Variants in ZNF536 observed in about 807,000 individuals in gnomAD.
The protein encoded by ZNF536 is zinc finger protein 536.
In ZNF536, 13 loss-of-function variants were observed where a neutral mutation model predicts 84.5. The ratio of observed to expected loss-of-function variants is 0.15; its 90% CI spans 0.10 to 0.24. The LOEUF is 0.24. Among genes scored for constraint, ZNF536 ranks in the 10% least tolerant of loss-of-function variants. The probability of loss-of-function intolerance (pLI) is 1.00; values close to 1 mark genes in which losing one functional copy is unlikely to be tolerated. For missense variants in ZNF536, 1,536 were observed against 1,747.5 expected, an observed-to-expected ratio of 0.88 and a Z score of 2.16; for synonymous variants, 811 against 742.5, an observed-to-expected ratio of 1.09 and a Z score of -1.50.
intron 2 of ZNF536, among the ~76,000 whole-genome samples, chr19:30,302,358 C>T (rs1418299475): frequency 6.6e-6 from 1 of 152,068 alleles, no homozygotes; most frequent in African/African-American, 2.4e-5. Flanking sequence ...GTGGGCAGGC[C>T]CTGGGACTCA....
chr19:30,229,389 C>A (rs1339934136), intron 1 of ZNF536, among the ~76,000 whole-genome samples: 1 of 152,066 alleles, frequency 6.6e-6, no homozygotes, highest in Non-Finnish European at 1.5e-5. Context: ...AAAGTGGTTT[C>A]ACAGTGTCTC....
intron 1 of ZNF536, among the ~76,000 whole-genome samples, chr19:30,259,816 G>A (rs760643426): frequency 6.6e-6 from 1 of 151,914 alleles, no homozygotes. Context: ...GCAGTGGTGC[G>A]ATCTTGGCTC....
At chr19:30,343,207 G>A (rs1479463789) in intron 2 of ZNF536, among the ~76,000 whole-genome samples, 1 of 152,166 alleles carries the variant, frequency 6.6e-6, no homozygotes, top group African/African-American at 2.4e-5. Context: ...TCTGGAAAAA[G>A]GGCTTGCAAG....
In ZNF536 at chr19:30,549,527, A is replaced by T. The variant is rs2146260696; in HGVS notation, c.3895+13A>T. ...CCAGACTTGTGTGGTAAGTTTTAGA[A>T]TCCTCTTCCTATAGTTCATTTCCCA... On this transcript the variant is annotated intron_variant, in intron 4 of 4. Coordinates refer to ENST00000355537, the MANE Select transcript of ZNF536 (RefSeq NM_014717.3). 6.7e-7 allele frequency: 1 copy of T among 1,503,672 alleles called. No homozygotes were observed. The highest frequency in any genetic ancestry group is 2.3e-5 in the East Asian group (1 of 43,632). 93.1% of individuals were successfully genotyped at this position (1,503,672 alleles called of 1,614,324 possible). A position where few individuals can be genotyped will look rare whatever the true frequency, so the allele number is the denominator to read the frequency against.
At position 30,530,331 on chromosome 19, in the gene ZNF536, T is replaced by TTTGTTG. The variant is rs140017176; in HGVS notation, c.2171-4492_2171-4487dup. 6.1e-3 allele frequency among the ~76,000 whole-genome samples: 919 copies of TTTGTTG among 151,414 alleles called. 10 individuals carry two copies. Among genetic ancestry groups the TTTGTTG allele is most frequent in the African/African-American group, 0.02 (810 of 41,062 alleles). On this transcript the variant is annotated intron_variant, in intron 2 of 4. Transcript: ENST00000355537. ...TTTGTAATACCTCTCTCTCTGTCTT[T>TTTGTTG]TTGTTGTTGTTGTTGTTGTTGTTGT... is the stretch of plus-strand genomic sequence containing the variant.
intron 2 of ZNF536, among the ~76,000 whole-genome samples, chr19:30,464,673 G>C (rs904500516): frequency 5.9e-5 from 9 of 151,952 alleles, no homozygotes; most frequent in Non-Finnish European, 8.8e-5. Context: ...ATGACACGCT[G>C]TCATCTCCAG....
intron 2 of ZNF536, among the ~76,000 whole-genome samples, chr19:30,464,244 G>A (rs567007659): frequency 1.3e-5 from 2 of 152,292 alleles, no homozygotes; most frequent in South Asian, 2.1e-4. Context: ...GGCCTGGGGC[G>A]ATGGGGGTGG....
rs191202552 is a variant in ZNF536 at position 30,450,797 on chromosome 19, G to T, written c.2170+5065G>T. Among the ~76,000 whole-genome samples the T allele has an allele frequency of 7.9e-4, 120 of 152,174 alleles. 1 individual carries two copies. The highest frequency in any genetic ancestry group is 2.8e-3 in the African/African-American group (118 of 41,498). On this transcript the variant is annotated intron_variant, in intron 2 of 4. Coordinates refer to ENST00000355537, the MANE Select transcript of ZNF536 (RefSeq NM_014717.3). ...TTTAAAATCACATTTAGCCTTAAAGGTTCCCCCTACGCCTCCCCCTGTCCC... is the reference window on the plus strand; with the variant it reads ...TTTAAAATCACATTTAGCCTTAAAGTTTCCCCCTACGCCTCCCCCTGTCCC...
chr19:30,238,944 A>G (rs976594222), intron 1 of ZNF536, among the ~76,000 whole-genome samples: 1 of 152,250 alleles, frequency 6.6e-6, no homozygotes, highest in African/African-American at 2.4e-5. Flanking sequence ...AGCATGAAGT[A>G]TAAAATTAAT....
chr19:30,332,604 G>T (rs567078062), intron 2 of ZNF536, among the ~76,000 whole-genome samples: 3 of 152,120 alleles, frequency 2.0e-5, no homozygotes, highest in African/African-American at 7.2e-5. Context: ...TTCCCCAGTT[G>T]CTGGCTGGAT....
At chr19:30,704,155 G>C (rs529018149) in intron 1 of ZNF536, among the ~76,000 whole-genome samples, 1 of 152,188 alleles carries the variant, frequency 6.6e-6, no homozygotes, top group Admixed American at 6.5e-5. Flanking sequence ...CCAATGGGGA[G>C]CTGGCAGGAG....
intron 1 of ZNF536, among the ~76,000 whole-genome samples, chr19:30,670,380 C>CTT (rs1266377458): frequency 6.6e-6 from 1 of 152,198 alleles, no homozygotes; most frequent in East Asian, 1.9e-4. Context: ...GGGTGTTCTG[C>CTT]CTGTGAAATC....
At chr19:30,309,737 C>T (rs966874421) in intron 2 of ZNF536, among the ~76,000 whole-genome samples, 2 of 152,178 alleles carry the variant, frequency 1.3e-5, no homozygotes, top group African/African-American at 2.4e-5. Flanking sequence ...AAAATTAGAT[C>T]GAAATGCTCT....
intron 1 of ZNF536, among the ~76,000 whole-genome samples, chr19:30,258,317 C>T (rs551093729): frequency 9.2e-5 from 14 of 152,288 alleles, no homozygotes; most frequent in East Asian, 3.9e-4. Flanking sequence ...TCTTGTTAAA[C>T]GTGAGAAAAG....
intron 1 of ZNF536, among the ~76,000 whole-genome samples, chr19:30,689,726 G>A (rs58661628): frequency 0.016 from 2,388 of 152,266 alleles, 61 homozygotes; most frequent in African/African-American, 0.055. Flanking sequence ...CGTGTGTCCC[G>A]TGGAACAGGG....
Position 30,445,514 on chromosome 19 carries a change from G to T in ZNF536, c.1952G>T (p.Arg651Leu), listed in dbSNP as rs747170474. ...RTYHQVVVHS[R>L]VHKRDRKGEE... ...TACCACCAGGTGGTCGTGCACTCCC[G>T]TGTCCACAAGCGGGACCGCAAGGGC... Residue 651 changes from arginine to leucine, a missense_variant, in exon 2 of 5, where the codon CGT (arginine) becomes CTT (leucine). Physicochemically the swap from Arg to Leu is moderately radical, Grantham distance 102. Around this residue, in one of 8 missense-constraint regions of ZNF536, gnomAD observed 366 missense variants for 364.4 expected, o/e 1.00. Coordinates refer to ENST00000355537, the MANE Select transcript of ZNF536 (RefSeq NM_014717.3). The surrounding 1 kb of genome is among the most constrained non-coding windows in gnomAD (Gnocchi z 4.5). 6.2e-7 allele frequency: 1 copy of T among 1,614,004 alleles called. No homozygotes were observed.
intron 1 of ZNF536, among the ~76,000 whole-genome samples, chr19:30,398,885 A>G (rs563065984): frequency 3.9e-4 from 59 of 152,326 alleles, no homozygotes; most frequent in Non-Finnish European, 7.1e-4. Flanking sequence ...ATATGTGTGC[A>G]TGTCTCTTTA....
intron 1 of ZNF536, among the ~76,000 whole-genome samples, chr19:30,432,685 T>G (rs1352888161): frequency 2.0e-5 from 3 of 152,356 alleles, no homozygotes; most frequent in Admixed American, 6.5e-5. Context: ...TGGTTTGTGG[T>G]CCAGGAGTTT....
chr19:30,677,537 G>T (rs2050795839), intron 1 of ZNF536, among the ~76,000 whole-genome samples: 1 of 152,214 alleles, frequency 6.6e-6, no homozygotes, highest in Non-Finnish European at 1.5e-5. Context: ...CTCCATGCAG[G>T]ATCCTGGCCC....
Sources: allele counts gnomAD v4.1 joint callset (sites outside exome capture counted in the v4.1 genomes callset), GRCh38; gene constraint gnomAD v4.1.1; regional missense constraint gnomAD v4.1.1; non-coding constraint Gnocchi (gnomAD v3.1); transcripts MANE v1.5; gene names NCBI Gene and HGNC (gene_info 2026-07-23, HGNC 2026-07-21).